The following BSG variants were observed in gnomAD, a reference collection of about 807,000 sequenced individuals.
BSG encodes basigin.
Under a neutral mutation model 43.1 loss-of-function variants are expected in BSG, and 37 were observed. The ratio of observed to expected loss-of-function variants is 0.86; its 90% confidence interval spans 0.66 to 1.13. BSG has a LOEUF of 1.13. Ranked by LOEUF, BSG falls within the 50% of genes most tolerant of loss-of-function variation. The probability of loss-of-function intolerance (pLI) is 0.00; values close to 1 mark genes in which losing one functional copy is unlikely to be tolerated. For synonymous variants in BSG, 309 were observed against 238.7 expected (o/e 1.29, Z -2.72); for missense variants, 599 against 554.2 (o/e 1.08, Z -0.81).
Position 583,197 on chromosome 19 carries a change from G to C in BSG, c.*453G>C, listed in dbSNP as rs887857784. On this transcript the variant is annotated 3_prime_UTR_variant, in exon 9 of 9. Coordinates refer to ENST00000333511, the MANE Select transcript of BSG (RefSeq NM_001728.4). ...TTATGAGGGCCACGGGTCTGTGTTCGACTCAGCCTCAGGGACGACTCTGAC... is the reference window on the plus strand; with the variant it reads ...TTATGAGGGCCACGGGTCTGTGTTCCACTCAGCCTCAGGGACGACTCTGAC... The C allele has an allele frequency of 6.5e-6, 1 of 153,800 alleles. No homozygotes were observed. The highest frequency in any genetic ancestry group is 6.4e-5 in the Admixed American group (1 of 15,574). 9.5% of individuals were successfully genotyped at this position (153,800 alleles called of 1,614,324 possible).
Position 582,918 on chromosome 19 carries a change from T to G in BSG, c.*174T>G. ...TGGGTTTTCTCCATTCAGGATTCTG[T>G]TCCTTAGGTTTTTTTCCTTCTGAAG... is the stretch of plus-strand genomic sequence containing the variant. On this transcript the variant is annotated 3_prime_UTR_variant, in exon 9 of 9. Coordinates refer to ENST00000333511, the MANE Select transcript of BSG (RefSeq NM_001728.4). The G allele has an allele frequency of 2.8e-6, 1 of 355,956 alleles. No individual in the cohort carries two copies. Among genetic ancestry groups the G allele is most frequent in the Non-Finnish European group, 5.2e-6 (1 of 193,104 alleles). The allele number at this position is 355,956 out of a possible 1,614,324, so 22.0% of individuals were successfully genotyped here. A position where few individuals can be genotyped will look rare whatever the true frequency, so the allele number is the denominator to read the frequency against.
intron 1 of BSG, among the ~76,000 whole-genome samples, chr19:575,800 T>C (rs953984809): frequency 2.0e-5 from 3 of 152,128 alleles, no homozygotes; most frequent in Admixed American, 2.0e-4. Context: ...TCTGGGGCTG[T>C]GGCCGAGGGT....
intron 1 of BSG, among the ~76,000 whole-genome samples, chr19:573,560 C>T (rs567388922): frequency 1.4e-4 from 22 of 152,250 alleles, no homozygotes; most frequent in African/African-American, 5.1e-4. Flanking sequence ...CTCGCAGGCT[C>T]CCTCGAGGGG....
rs529739382 is a variant in BSG at position 582,770 on chromosome 19, GCTC to G, written c.*28_*30del. 60 of 636,204 alleles carry G rather than the reference GCTC, an allele frequency of 9.4e-5. No individual in the cohort carries two copies. The African/African-American group carries it at 1.0e-3, about 11-fold the overall frequency. 39.4% of individuals were successfully genotyped at this position (636,204 alleles called of 1,614,324 possible). On this transcript the variant is annotated 3_prime_UTR_variant, in exon 9 of 9. Coordinates refer to ENST00000333511, the MANE Select transcript of BSG (RefSeq NM_001728.4). ...CACAGGTGGCCCGAGGACGCTCCCTGCTCCACGTCTGCGCCGCCGCCGGAGTCC... is the reference window on the plus strand; with the variant it reads ...CACAGGTGGCCCGAGGACGCTCCCTGCACGTCTGCGCCGCCGCCGGAGTCC...
chr19:579,811 C>T, intron 3 of BSG, 155 bp downstream of exon 3: 1 of 1,241,728 alleles, frequency 8.1e-7, no homozygotes, highest in Non-Finnish European at 1.1e-6. Context: ...GAGGGAAACC[C>T]CAGGGAGGGG....
At position 581,538 on chromosome 19, in the gene BSG, T is replaced by G. The variant is rs1409312839; in HGVS notation, c.1016T>G (p.Val339Gly). 6.3e-7 allele frequency: 1 copy of G among 1,598,306 alleles called. No homozygotes were observed. The highest frequency in any genetic ancestry group is 1.7e-5 in the Admixed American group (1 of 57,748). ...ATCGTGGCTGAGGTGCTGGTGCTGG[T>G]CACCATCATCTTCATCTACGAGAAG... is the stretch of plus-strand genomic sequence containing the variant. ...LGIVAEVLVL[V>G]TIIFIYEKRR... Residue 339 changes from valine to glycine, a missense_variant, in exon 6 of 9, where the codon GTC (valine) becomes GGC (glycine). Transcript: ENST00000333511.
intron 1 of BSG, among the ~76,000 whole-genome samples, chr19:576,500 G>A (rs60851035): frequency 0.013 from 1,914 of 152,322 alleles, 43 homozygotes; most frequent in African/African-American, 0.044. Flanking sequence ...GGTGGCTCAC[G>A]CCTGTAATCC....
At chr19:580,103 C>G in intron 3 of BSG, 1 of 463,816 alleles carries the variant, frequency 2.2e-6, no homozygotes, top group Non-Finnish European at 3.9e-6. Context: ...ACTGGGAAGA[C>G]GGTCACAGGG....
At chr19:574,598 C>T (rs780755069) in intron 1 of BSG, among the ~76,000 whole-genome samples, 10 of 152,178 alleles carry the variant, frequency 6.6e-5, no homozygotes, top group Non-Finnish European at 1.0e-4. Context: ...GTGTTGGGAA[C>T]AAGGTGCAGA....
At chr19:572,286 A>G, upstream of BSG, 2 of 663,126 alleles carry the variant, frequency 3.0e-6, no homozygotes, top group Non-Finnish European at 3.8e-6. Context: ...CAACGCTTCA[A>G]CCCCCTCGGG....
chr19:574,531 C>T (rs1025810546), intron 1 of BSG, among the ~76,000 whole-genome samples: 3 of 150,880 alleles, frequency 2.0e-5, no homozygotes, highest in Admixed American at 1.3e-4. Flanking sequence ...CCAGCCTGGG[C>T]GACAGAGCGA....
intron 1 of BSG, chr19:575,190 G>T (rs1281985534): frequency 1.3e-5 from 2 of 152,444 alleles, no homozygotes; most frequent in East Asian, 1.9e-4. Context: ...GTAGCCGTGT[G>T]TGCGCGTGTG....
upstream of BSG, chr19:571,562 C>T: frequency 1.3e-6 from 1 of 779,602 alleles, no homozygotes; most frequent in Non-Finnish European, 2.4e-6. Flanking sequence ...AGCAGTCGGA[C>T]GCGTCTCCCC....
chr19:571,620 G>A (rs1173226960), upstream of BSG: 1 of 779,196 alleles, frequency 1.3e-6, no homozygotes, highest in East Asian at 2.4e-5. Context: ...GGATCCAAAT[G>A]GGATATTTGG....
At chr19:572,768 C>T in intron 1 of BSG, 67 bp downstream of exon 1, 1 of 1,331,362 alleles carries the variant, frequency 7.5e-7, no homozygotes, top group Non-Finnish European at 9.7e-7. Context: ...GCGGTGCCGA[C>T]CCGAAGCCGA....
At chr19:575,471 G>A (rs1285252164) in intron 1 of BSG, 3 of 152,042 alleles carry the variant, frequency 2.0e-5, no homozygotes, top group East Asian at 3.9e-4. Flanking sequence ...GGTCCCGAGG[G>A]TGGAGGGCTT....
chr19:577,617 C>G (rs1320301282), intron 1 of BSG, among the ~76,000 whole-genome samples, 157 bp from the exon 2 acceptor site: 1 of 152,224 alleles, frequency 6.6e-6, no homozygotes, highest in African/African-American at 2.4e-5. Context: ...CCATGCCATG[C>G]TGTTTCCAGC....
intron 2 of BSG, 81 bp downstream of exon 2, chr19:578,202 C>T: frequency 1.5e-6 from 2 of 1,316,996 alleles, no homozygotes; most frequent in East Asian, 2.6e-5. Context: ...CTCAGTAGAA[C>T]CCAGACGCCT....
intron 2 of BSG, among the ~76,000 whole-genome samples, chr19:578,648 C>T (rs1009578039): frequency 2.0e-5 from 3 of 152,054 alleles, no homozygotes; most frequent in Non-Finnish European, 2.9e-5. Context: ...GCTGGAGTGC[C>T]GTCAGCCTGG....
Sources: gnomAD v4.1 joint callset for allele counts (sites outside exome capture counted in the v4.1 genomes callset) on GRCh38, gnomAD v4.1.1 for gene constraint, MANE v1.5 for transcripts, NCBI Gene and HGNC (gene_info 2026-07-23, HGNC 2026-07-21) for gene names.